The following UNC5B variants were observed in gnomAD, a reference collection of about 807,000 sequenced individuals.
UNC5B encodes netrin receptor UNC5B.
UNC5B carries 56 observed loss-of-function variants against 103.7 expected under a neutral mutation model. The observed-to-expected ratio is 0.54, with a 90% confidence interval of 0.44 to 0.67. UNC5B has a LOEUF of 0.67. Among genes scored for constraint, UNC5B ranks in the 30% least tolerant of loss-of-function variants. The pLI is 0.00. For synonymous variants in UNC5B, 577 were observed against 542.0 expected (o/e 1.06, Z -0.90); for missense variants, 1,194 against 1,284.5 (o/e 0.93, Z 1.08).
chr10:71,224,463 ATTC>A (rs1843521894), intron 1 of UNC5B, among the ~76,000 whole-genome samples: 2 of 151,130 alleles, frequency 1.3e-5, no homozygotes, highest in South Asian at 4.2e-4. Context: ...GGAAAACTGG[ATTC>A]TTTTTTTTCT....
intron 1 of UNC5B, among the ~76,000 whole-genome samples, chr10:71,258,167 C>T (rs1007717826): frequency 6.6e-6 from 1 of 152,228 alleles, no homozygotes; most frequent in African/African-American, 2.4e-5. Context: ...GAAGGCCCCA[C>T]AGCTATCGAT....
At chr10:71,253,582 C>T (rs886283673) in intron 1 of UNC5B, among the ~76,000 whole-genome samples, 3 of 152,256 alleles carry the variant, frequency 2.0e-5, no homozygotes, top group South Asian at 4.1e-4. Flanking sequence ...GCTAAGTCCA[C>T]TCAGTCCCAG....
Position 71,213,675 on chromosome 10 carries a change from A to ATTATTATTATTATT in UNC5B, c.79+611_79+612insTTATTATTATTATT, listed in dbSNP as rs1554858437. Among the ~76,000 whole-genome samples, 1 of 133,258 alleles carries ATTATTATTATTATT rather than the reference A, an allele frequency of 7.5e-6. No homozygotes were observed. The highest frequency in any genetic ancestry group is 2.3e-4 in the East Asian group (1 of 4,418). 87.4% of individuals were successfully genotyped at this position (133,258 alleles called of 152,430 possible). ...ATCGCTGGGCCCGCAGGTCTGGAAG[A>ATTATTATTATTATT]ATTATTATTATTATTATTATTATTA... On this transcript the variant is annotated intron_variant, in intron 1 of 16. Transcript: ENST00000335350. This position sits in a 1 kb window ranked among gnomAD's most constrained non-coding sequence, Gnocchi z 4.1.
rs1843257817 is a variant in UNC5B, at chr10:71,212,982, G to A, written c.-4G>A. 4.4e-6 allele frequency: 6 copies of A among 1,379,148 alleles called. No individual in the cohort carries two copies. The highest frequency in any genetic ancestry group is 5.6e-6 in the Non-Finnish European group (6 of 1,062,036). 85.4% of individuals were successfully genotyped at this position (1,379,148 alleles called of 1,614,324 possible). On this transcript the variant is annotated 5_prime_UTR_variant, in exon 1 of 17. Transcript: ENST00000335350. ...GAGAGGCGCCCGAACCAGGCCGCGGGAGCATGGGGGCCCGGAGCGGAGCTC... is the reference window on the plus strand; with the variant it reads ...GAGAGGCGCCCGAACCAGGCCGCGGAAGCATGGGGGCCCGGAGCGGAGCTC...
chr10:71,217,562 C>T (rs1351707453), intron 1 of UNC5B: 1 of 152,232 alleles, frequency 6.6e-6, no homozygotes, highest in Admixed American at 6.5e-5. Flanking sequence ...GCTGCGCCCC[C>T]GCGGGCAGAC....
At chr10:71,279,764 G>T (rs2132298370) in intron 1 of UNC5B, 57 bp from the exon 2 acceptor site, 2 of 1,553,610 alleles carry the variant, frequency 1.3e-6, no homozygotes, top group Non-Finnish European at 1.7e-6. Flanking sequence ...GTGGGCGAGG[G>T]GTGCCACAGG....
chr10:71,231,855 A>C (rs1356145534), intron 1 of UNC5B, among the ~76,000 whole-genome samples: 1 of 152,042 alleles, frequency 6.6e-6, no homozygotes, highest in Non-Finnish European at 1.5e-5. Flanking sequence ...AGAGATCCTG[A>C]CTTAATTGGT....
At chr10:71,277,503 TG>T (rs1564727704) in intron 1 of UNC5B, among the ~76,000 whole-genome samples, 2 of 152,246 alleles carry the variant, frequency 1.3e-5, no homozygotes, top group Non-Finnish European at 2.9e-5. Flanking sequence ...GGCTCCATCC[TG>T]CTATCTCAGA....
intron 1 of UNC5B, among the ~76,000 whole-genome samples, chr10:71,261,999 G>A (rs1844424499): frequency 6.6e-6 from 1 of 150,964 alleles, no homozygotes; most frequent in Admixed American, 6.6e-5. Flanking sequence ...TTGGACGGGG[G>A]TGGGATGGGG....
chr10:71,274,346 G>A (rs746826704), intron 1 of UNC5B, among the ~76,000 whole-genome samples: 11 of 151,894 alleles, frequency 7.2e-5, no homozygotes, highest in African/African-American at 2.2e-4. Flanking sequence ...GCCACAGAGC[G>A]AGACTCTGTC....
chr10:71,242,765 TCACA>T (rs1843934667), intron 1 of UNC5B, among the ~76,000 whole-genome samples: 1 of 152,088 alleles, frequency 6.6e-6, no homozygotes, highest in East Asian at 1.9e-4. Context: ...CCCCAGAATC[TCACA>T]CACACGTGTT....
At chr10:71,241,984 C>G (rs1843912233) in intron 1 of UNC5B, among the ~76,000 whole-genome samples, 1 of 152,180 alleles carries the variant, frequency 6.6e-6, no homozygotes, top group Non-Finnish European at 1.5e-5. Flanking sequence ...CTAGCAGTCC[C>G]TGGCTGCCAG....
intron 1 of UNC5B, among the ~76,000 whole-genome samples, chr10:71,269,372 G>C (rs1354008163): frequency 7.7e-6 from 1 of 130,712 alleles, no homozygotes; most frequent in Non-Finnish European, 1.6e-5. Context: ...CCTTTCCTGG[G>C]AGTCTGGTGC....
At chr10:71,279,647 C>T (rs1360427209) in intron 1 of UNC5B, among the ~76,000 whole-genome samples, 174 bp from the exon 2 acceptor site, 3 of 152,182 alleles carry the variant, frequency 2.0e-5, no homozygotes, top group African/African-American at 4.8e-5. Flanking sequence ...AAACTGAGGC[C>T]GCAGGAGTGC....
At chr10:71,216,603 C>G (rs959419376) in intron 1 of UNC5B, among the ~76,000 whole-genome samples, 2 of 152,276 alleles carry the variant, frequency 1.3e-5, no homozygotes, top group South Asian at 4.1e-4. Context: ...GAGTTGGGGA[C>G]AGAATATGTT....
At chr10:71,253,674 G>A (rs747029269) in intron 1 of UNC5B, among the ~76,000 whole-genome samples, 9 of 152,162 alleles carry the variant, frequency 5.9e-5, no homozygotes, top group Non-Finnish European at 1.3e-4. Flanking sequence ...GTCAGAAGCT[G>A]TTGGCATCGC....
intron 11 of UNC5B, among the ~76,000 whole-genome samples, chr10:71,292,856 C>T (rs974348217): frequency 1.1e-4 from 16 of 152,170 alleles, no homozygotes; most frequent in African/African-American, 4.8e-5. Context: ...AGGATATGAA[C>T]ACGTGATTCA....
chr10:71,214,577 G>A (rs1355083167), intron 1 of UNC5B, among the ~76,000 whole-genome samples: 1 of 152,130 alleles, frequency 6.6e-6, no homozygotes, highest in Non-Finnish European at 1.5e-5. Context: ...GAGGGGGTTT[G>A]AGGAGATGAT....
At chr10:71,256,131 A>G (rs910683190) in intron 1 of UNC5B, among the ~76,000 whole-genome samples, 3 of 152,224 alleles carry the variant, frequency 2.0e-5, no homozygotes, top group African/African-American at 4.8e-5. Context: ...GGTCCCTACC[A>G]TAGCCCCTTC....
Sources: gnomAD v4.1 joint callset for allele counts (sites outside exome capture counted in the v4.1 genomes callset) on GRCh38, gnomAD v4.1.1 for gene constraint, Gnocchi (gnomAD v3.1) non-coding constraint, MANE v1.5 for transcripts, NCBI Gene and HGNC (gene_info 2026-07-23, HGNC 2026-07-21) for gene names.